The following STK33 variants were observed in gnomAD, a reference collection of about 807,000 sequenced individuals.
STK33 encodes serine/threonine kinase 33.
Under a neutral mutation model 58.0 loss-of-function variants are expected in STK33, and 52 were observed. That is an observed-to-expected ratio of 0.90 (90% CI 0.72 to 1.13). The LOEUF (loss-of-function observed/expected upper bound fraction) is 1.13, where lower values mean the gene tolerates loss of function less well. Among genes scored for constraint, STK33 ranks in the 50% most tolerant of loss-of-function variants. The pLI is 0.00. For synonymous variants in STK33, 215 were observed against 200.1 expected, an observed-to-expected ratio of 1.07 and a Z score of -0.63; for missense variants, 630 against 604.2, an observed-to-expected ratio of 1.04 and a Z score of -0.45.
At chr11:8,524,660 A>G (rs564177544) in intron 1 of STK33, among the ~76,000 whole-genome samples, 1 of 152,246 alleles carries the variant, frequency 6.6e-6, no homozygotes, top group South Asian at 2.1e-4. Flanking sequence ...ATGCCATAAT[A>G]CCATAAATAT....
rs1207471068 is a variant in STK33, at chr11:8,430,439, A to G, written c.1146+5055T>C. 3.9e-5 allele frequency among the ~76,000 whole-genome samples: 6 copies of G among 152,098 alleles called. No individual in the cohort carries two copies. The South Asian group carries it at 1.2e-3, about 31-fold the overall frequency. On this transcript the variant is annotated intron_variant, in intron 14 of 15. Coordinates refer to ENST00000687296, the MANE Select transcript of STK33 (RefSeq NM_001352389.2). ...TTTCGCTTCCCTGGGCCACACTGGA[A>G]GAAGAATTGTCTTAGGCCACACATA...
chr11:8,339,713 G>A, the STK33 span, among the ~76,000 whole-genome samples: 1 of 152,138 alleles, frequency 6.6e-6, no homozygotes, highest in Non-Finnish European at 1.5e-5. Flanking sequence ...GCAAGGGTGG[G>A]TGGGAGGTTG....
downstream of STK33, among the ~76,000 whole-genome samples, chr11:8,388,937 G>A (rs900425170): frequency 6.6e-6 from 1 of 152,162 alleles, no homozygotes; most frequent in African/African-American, 2.4e-5. Flanking sequence ...GTGTCAGGAA[G>A]AGCTCGTTTA....
At chr11:8,574,897 T>C (rs1303791310) in intron 1 of STK33, among the ~76,000 whole-genome samples, 2 of 146,528 alleles carry the variant, frequency 1.4e-5, no homozygotes, top group South Asian at 2.1e-4. Flanking sequence ...AAAAAAAAAA[T>C]AGCCAAGTCT....
intron 15 of STK33, among the ~76,000 whole-genome samples, chr11:8,402,293 T>C (rs1216868451): frequency 1.3e-5 from 2 of 152,084 alleles, no homozygotes; most frequent in African/African-American, 2.4e-5. Context: ...GCCATAAAAA[T>C]GATGAGTTCA....
intron 1 of STK33, among the ~76,000 whole-genome samples, chr11:8,563,879 GAAGA>G (rs1957275273): frequency 6.6e-6 from 1 of 152,158 alleles, no homozygotes; most frequent in Non-Finnish European, 1.5e-5. Context: ...GAGGAGCCAG[GAAGA>G]AACCTGGCAG....
At chr11:8,431,793 A>C (rs528895533) in intron 14 of STK33, among the ~76,000 whole-genome samples, 1 of 152,214 alleles carries the variant, frequency 6.6e-6, no homozygotes, top group Non-Finnish European at 1.5e-5. Context: ...GTTCAAGTCC[A>C]CTCACGATTT....
At chr11:8,454,856 T>C in intron 9 of STK33, 24 bp from the exon 10 acceptor site, 1 of 1,510,866 alleles carries the variant, frequency 6.6e-7, no homozygotes, top group Non-Finnish European at 8.9e-7. Flanking sequence ...AAACAACAAA[T>C]CAAATGAAAT....
At chr11:8,423,912 CT>C (rs1478841793) in intron 14 of STK33, among the ~76,000 whole-genome samples, 1 of 151,846 alleles carries the variant, frequency 6.6e-6, no homozygotes, top group African/African-American at 2.4e-5. Flanking sequence ...ACTATATAAT[CT>C]TTTTGAGTTG....
chr11:8,415,068 T>C (rs1333076849), intron 14 of STK33, among the ~76,000 whole-genome samples: 1 of 152,050 alleles, frequency 6.6e-6, no homozygotes, highest in Non-Finnish European at 1.5e-5. Flanking sequence ...TTGGTCCCTA[T>C]GATCCATCTC....
the STK33 span, among the ~76,000 whole-genome samples, chr11:8,382,592 C>G: frequency 6.6e-6 from 1 of 152,144 alleles, no homozygotes; most frequent in Non-Finnish European, 1.5e-5. Flanking sequence ...GGGCGGGAGG[C>G]GTGGGGACAT....
the STK33 span, among the ~76,000 whole-genome samples, chr11:8,347,711 A>G: frequency 3.3e-5 from 5 of 152,236 alleles, no homozygotes; most frequent in Non-Finnish European, 7.3e-5. Context: ...TCTTGCCCTG[A>G]GTCAGGAAGG....
At chr11:8,483,534 A>G (rs1231630654) in intron 1 of STK33, among the ~76,000 whole-genome samples, 1 of 152,154 alleles carries the variant, frequency 6.6e-6, no homozygotes, top group African/African-American at 2.4e-5. Context: ...CACTTCCAAA[A>G]CTGACCCTAA....
intron 1 of STK33, among the ~76,000 whole-genome samples, chr11:8,585,015 T>C (rs1591915369): frequency 1.4e-5 from 2 of 144,854 alleles, no homozygotes; most frequent in South Asian, 4.4e-4. Flanking sequence ...CCCCGCCTCC[T>C]GGGTTCAAGT....
At chr11:8,427,502 T>C (rs1366888933) in intron 14 of STK33, among the ~76,000 whole-genome samples, 1 of 152,154 alleles carries the variant, frequency 6.6e-6, no homozygotes, top group Non-Finnish European at 1.5e-5. Context: ...TTTCTTTAAT[T>C]CTGATGAATT....
At chr11:8,356,038 G>A in the STK33 span, among the ~76,000 whole-genome samples, 1 of 152,216 alleles carries the variant, frequency 6.6e-6, no homozygotes, top group Non-Finnish European at 1.5e-5. Flanking sequence ...GAAACCAAAC[G>A]CCGTTCTACC....
At chr11:8,504,599 G>C (rs1354410258) in intron 1 of STK33, among the ~76,000 whole-genome samples, 1 of 151,934 alleles carries the variant, frequency 6.6e-6, no homozygotes, top group Non-Finnish European at 1.5e-5. Context: ...GATCAGCCTA[G>C]CAACACAGGG....
chr11:8,571,791 C>CCACTGCACTCCAGCCTGGG (rs1303861406), intron 1 of STK33, among the ~76,000 whole-genome samples: 1 of 149,946 alleles, frequency 6.7e-6, no homozygotes, highest in Non-Finnish European at 1.5e-5. Flanking sequence ...CAAGATCGCG[C>CCACTGCACTCCAGCCTGGG]CACTGCACTC....
At chr11:8,351,925 G>T in the STK33 span, among the ~76,000 whole-genome samples, 1 of 152,352 alleles carries the variant, frequency 6.6e-6, no homozygotes, top group South Asian at 2.1e-4. Context: ...GAAAATGAGA[G>T]AAACCCTAAA....
Sources: gnomAD v4.1 joint callset for allele counts (sites outside exome capture counted in the v4.1 genomes callset) on GRCh38, gnomAD v4.1.1 for gene constraint, MANE v1.5 for transcripts, NCBI Gene and HGNC (gene_info 2026-07-23, HGNC 2026-07-21) for gene names.